Variants in TRABD2B observed in about 807,000 individuals in gnomAD.
The protein encoded by TRABD2B is TraB domain containing 2B.
Under a neutral mutation model 40.1 loss-of-function variants are expected in TRABD2B, and 14 were observed. The observed-to-expected ratio is 0.35, with a 90% CI of 0.23 to 0.55. The LOEUF is 0.55. Among genes scored for constraint, TRABD2B ranks in the 20% least tolerant of loss-of-function variants. TRABD2B has a pLI of 0.90. For synonymous variants in TRABD2B, 263 were observed against 277.0 expected, an observed-to-expected ratio of 0.95 and a Z score of 0.50; for missense variants, 541 against 648.6, an observed-to-expected ratio of 0.83 and a Z score of 1.80.
chr1:47,895,328 TCA>T (rs1232875326), intron 2 of TRABD2B, among the ~76,000 whole-genome samples: 2 of 152,190 alleles, frequency 1.3e-5, no homozygotes, highest in Non-Finnish European at 2.9e-5. Context: ...CTGTATCTGA[TCA>T]CTCTGTGTGA....
intron 2 of TRABD2B, among the ~76,000 whole-genome samples, chr1:47,847,182 G>A (rs1324754878): frequency 7.9e-5 from 12 of 152,180 alleles, no homozygotes; most frequent in African/African-American, 2.7e-4. Context: ...TGCCGCCAAG[G>A]TCTTAGCTAA....
rs1021490149 is a variant in TRABD2B at position 47,962,680 on chromosome 1, T to G, written c.666+31354A>C. Among the ~76,000 whole-genome samples, 3 of 152,222 alleles carry G rather than the reference T, an allele frequency of 2.0e-5. No homozygotes were observed. The East Asian group carries it at 5.8e-4, about 29-fold the overall frequency. On this transcript the variant is annotated intron_variant, in intron 2 of 6. Coordinates refer to ENST00000606738, the MANE Select transcript of TRABD2B (RefSeq NM_001194986.2). ...AGTAGGTACTGTGATTCCTCCATTT[T>G]ATAGATGAGGAAACTGAGGCACTGG...
chr1:47,927,251 C>T (rs1435525168), intron 2 of TRABD2B, among the ~76,000 whole-genome samples: 5 of 152,206 alleles, frequency 3.3e-5, no homozygotes, highest in East Asian at 3.9e-4. Context: ...CCAGAGGTGC[C>T]GGGTGCAGCC....
chr1:47,887,683 C>A (rs545437645), intron 2 of TRABD2B, among the ~76,000 whole-genome samples: 1 of 152,278 alleles, frequency 6.6e-6, no homozygotes, highest in East Asian at 1.9e-4. Context: ...AGTGTTGCTG[C>A]AGGCAGGGGT....
At chr1:47,993,116 A>G (rs1646036408) in intron 2 of TRABD2B, among the ~76,000 whole-genome samples, 1 of 152,202 alleles carries the variant, frequency 6.6e-6, no homozygotes, top group African/African-American at 2.4e-5. Flanking sequence ...CACGTCTCTG[A>G]GCCATGCCTC....
At chr1:47,830,158 T>C (rs1645229639) in intron 2 of TRABD2B, among the ~76,000 whole-genome samples, 1 of 152,184 alleles carries the variant, frequency 6.6e-6, no homozygotes, top group East Asian at 1.9e-4. Context: ...CCCCAGGATG[T>C]CCCCCTCCCA....
chr1:47,941,609 A>C (rs1390043579), intron 2 of TRABD2B, among the ~76,000 whole-genome samples: 1 of 152,214 alleles, frequency 6.6e-6, no homozygotes, highest in African/African-American at 2.4e-5. Flanking sequence ...TCCATGTATA[A>C]ACCAGGCTAG....
intron 2 of TRABD2B, among the ~76,000 whole-genome samples, chr1:47,909,592 GAGGAGGA>G (rs1312180949): frequency 6.8e-6 from 1 of 147,500 alleles, no homozygotes; most frequent in Non-Finnish European, 1.5e-5. Context: ...GGAGGAGGAG[GAGGAGGA>G]GGAGCCAGAC....
chr1:47,889,876 G>C (rs748641364), intron 2 of TRABD2B, among the ~76,000 whole-genome samples: 2 of 152,218 alleles, frequency 1.3e-5, no homozygotes, highest in Non-Finnish European at 2.9e-5. Flanking sequence ...ATGTCTTGAG[G>C]CGCAGTGTAG....
chr1:47,917,040 C>A (rs918931315), intron 2 of TRABD2B, among the ~76,000 whole-genome samples: 9 of 152,222 alleles, frequency 5.9e-5, no homozygotes, highest in Non-Finnish European at 5.9e-5. Flanking sequence ...TGTTCAAGAC[C>A]ACGCACAGCT....
intron 2 of TRABD2B, among the ~76,000 whole-genome samples, chr1:47,831,055 C>A (rs1645240948): frequency 1.0e-5 from 1 of 95,498 alleles, no homozygotes. Flanking sequence ...CTTGAGTGCC[C>A]TGATTCTGTC....
intron 2 of TRABD2B, among the ~76,000 whole-genome samples, chr1:47,910,370 A>G (rs1644745989): frequency 6.6e-6 from 1 of 152,134 alleles, no homozygotes; most frequent in Admixed American, 6.6e-5. Context: ...TTTCCTGACT[A>G]CTCAGCCAGG....
At chr1:47,859,520 A>G (rs1008112497) in intron 2 of TRABD2B, among the ~76,000 whole-genome samples, 3 of 152,184 alleles carry the variant, frequency 2.0e-5, no homozygotes, top group African/African-American at 7.2e-5. Context: ...TGACTTGTAG[A>G]GCTCTGGCCA....
intron 2 of TRABD2B, among the ~76,000 whole-genome samples, chr1:47,958,785 C>T (rs1645463970): frequency 6.6e-6 from 1 of 152,160 alleles, no homozygotes; most frequent in Non-Finnish European, 1.5e-5. Context: ...ACCACACTGT[C>T]AACATTAGTC....
chr1:47,790,163 C>T (rs1038436239), intron 4 of TRABD2B, among the ~76,000 whole-genome samples: 4 of 152,172 alleles, frequency 2.6e-5, no homozygotes, highest in Non-Finnish European at 5.9e-5. Context: ...CCACCTTGTA[C>T]TTATTTTTCT....
intron 2 of TRABD2B, among the ~76,000 whole-genome samples, chr1:47,838,515 T>A (rs1645349313): frequency 6.6e-6 from 1 of 152,176 alleles, no homozygotes; most frequent in African/African-American, 2.4e-5. Flanking sequence ...GGGCACTTCA[T>A]TAACTTCTCT....
intron 4 of TRABD2B, among the ~76,000 whole-genome samples, chr1:47,791,321 G>C (rs1644668816): frequency 6.6e-6 from 1 of 152,196 alleles, no homozygotes; most frequent in Admixed American, 6.5e-5. Context: ...CCCCAGCAGG[G>C]GCTTGGCTCA....
At chr1:47,962,364 A>G (rs1447207321) in intron 2 of TRABD2B, among the ~76,000 whole-genome samples, 1 of 152,120 alleles carries the variant, frequency 6.6e-6, no homozygotes, top group East Asian at 1.9e-4. Flanking sequence ...AAGTGTAAAA[A>G]CAAACAAACA....
chr1:47,904,675 C>T (rs1644652270), intron 2 of TRABD2B, among the ~76,000 whole-genome samples: 1 of 152,180 alleles, frequency 6.6e-6, no homozygotes, highest in African/African-American at 2.4e-5. Flanking sequence ...CCTTTGTCTC[C>T]TGCAAAGCCT....
Sources: gnomAD v4.1 joint callset for allele counts (sites outside exome capture counted in the v4.1 genomes callset) on GRCh38, gnomAD v4.1.1 for gene constraint, MANE v1.5 for transcripts, NCBI Gene and HGNC (gene_info 2026-07-23, HGNC 2026-07-21) for gene names.